Variants in ATP9B observed in about 807,000 individuals in gnomAD.
The protein encoded by ATP9B is probable phospholipid-transporting ATPase IIB.
Under a neutral mutation model 146.1 loss-of-function variants are expected in ATP9B, and 110 were observed. The ratio of observed to expected loss-of-function variants is 0.75; its 90% CI spans 0.65 to 0.88. The LOEUF (loss-of-function observed/expected upper bound fraction) is 0.88, where lower values mean the gene tolerates loss of function less well. ATP9B is among the 40% of genes least tolerant of loss of function. ATP9B has a pLI of 0.00. For synonymous variants in ATP9B, 604 were observed against 569.7 expected (o/e 1.06, Z -0.86); for missense variants, 1,499 against 1,496.4 (o/e 1.00, Z -0.03).
chr18:79,147,550 C>CAT (rs33987384), intron 6 of ATP9B, among the ~76,000 whole-genome samples: 84,992 of 151,658 alleles, frequency 0.56, 25,450 homozygotes, highest in African/African-American at 0.79. Context: ...AACTCTAAAA[C>CAT]GTGGAAAGTG....
At chr18:79,181,917 G>T (rs567762656) in intron 8 of ATP9B, among the ~76,000 whole-genome samples, 1 of 151,898 alleles carries the variant, frequency 6.6e-6, no homozygotes, top group Non-Finnish European at 1.5e-5. Flanking sequence ...TTTGGCCCTC[G>T]TTATAGGCCC....
intron 15 of ATP9B, among the ~76,000 whole-genome samples, chr18:79,317,194 A>T (rs913869022): frequency 3.3e-5 from 5 of 152,248 alleles, no homozygotes; most frequent in African/African-American, 1.2e-4. Flanking sequence ...TTTCTTGAGC[A>T]AGAAAAAGTT....
intron 12 of ATP9B, among the ~76,000 whole-genome samples, chr18:79,256,148 CT>C (rs201094692): frequency 1.1e-4 from 17 of 150,220 alleles, no homozygotes; most frequent in Middle Eastern, 6.8e-3. Context: ...GCTTTACTGT[CT>C]TTTTTTTAAA....
rs2096776685 is a variant in ATP9B at position 79,329,139 on chromosome 18, A to G, written c.1774-2A>G. On this transcript the variant is annotated splice_acceptor_variant, in intron 15 of 29. Transcript: ENST00000426216. LOFTEE classifies it high-confidence loss of function. ...GCCTCAGTTGTTGCTGGTCTCCCGT[A>G]GGTCGCTCTGGTGCAGTGGACAGAG... 6.3e-7 allele frequency: 1 copy of G among 1,579,748 alleles called. No homozygotes were observed. The highest frequency in any genetic ancestry group is 1.2e-5 in the South Asian group (1 of 85,346).
chr18:79,175,179 G>A (rs1439976532), intron 7 of ATP9B, among the ~76,000 whole-genome samples: 6 of 132,630 alleles, frequency 4.5e-5, no homozygotes, highest in Admixed American at 3.4e-4. Context: ...CCAGCCTGGC[G>A]ACAGAGCGAG....
intron 15 of ATP9B, among the ~76,000 whole-genome samples, chr18:79,319,403 G>A (rs1452147396): frequency 6.6e-6 from 1 of 151,258 alleles, no homozygotes; most frequent in Non-Finnish European, 1.5e-5. Context: ...TAGAGGAGGG[G>A]CCCCCTCCTC....
At chr18:79,190,301 T>TA (rs2095351685) in intron 8 of ATP9B, among the ~76,000 whole-genome samples, 1 of 152,074 alleles carries the variant, frequency 6.6e-6, no homozygotes, top group Non-Finnish European at 1.5e-5. Flanking sequence ...CTTTAAACAT[T>TA]TAAAAAAAAA....
At chr18:79,147,586 A>G (rs1207117049) in intron 6 of ATP9B, among the ~76,000 whole-genome samples, 1 of 152,214 alleles carries the variant, frequency 6.6e-6, no homozygotes, top group Non-Finnish European at 1.5e-5. Flanking sequence ...ATTAATTTAT[A>G]GGATAGGTAG....
intron 11 of ATP9B, among the ~76,000 whole-genome samples, chr18:79,228,991 A>G (rs1173301866): frequency 2.0e-5 from 3 of 152,142 alleles, no homozygotes; most frequent in Non-Finnish European, 2.9e-5. Context: ...AGATTGTGCC[A>G]CTACACTCCA....
intron 11 of ATP9B, among the ~76,000 whole-genome samples, chr18:79,247,262 G>C (rs1196743800): frequency 6.6e-6 from 1 of 152,220 alleles, no homozygotes. Flanking sequence ...TGTCCTGTAT[G>C]AACGTAGACA....
chr18:79,340,007 T>C (rs1451618062), intron 19 of ATP9B, among the ~76,000 whole-genome samples: 1 of 152,154 alleles, frequency 6.6e-6, no homozygotes, highest in Non-Finnish European at 1.5e-5. Flanking sequence ...TGTGGTGCTT[T>C]GTGCCTGGGA....
chr18:79,259,267 G>C (rs1330173804), intron 12 of ATP9B, among the ~76,000 whole-genome samples: 3 of 152,186 alleles, frequency 2.0e-5, no homozygotes, highest in Non-Finnish European at 4.4e-5. Context: ...GAAAACTGAT[G>C]ATCAGAATTC....
Position 79,291,750 on chromosome 18 carries a change from A to G in ATP9B, c.1412-11854A>G, listed in dbSNP as rs116759199. Reference sequence around the variant, plus strand: ...CTACTGATAACATGATTGATTAGCAACGGAAACATTTTAGAAGATACCACG... The same window carrying G: ...CTACTGATAACATGATTGATTAGCAGCGGAAACATTTTAGAAGATACCACG... On this transcript the variant is annotated intron_variant, in intron 13 of 29. Coordinates refer to ENST00000426216, the MANE Select transcript of ATP9B (RefSeq NM_198531.5). Among the ~76,000 whole-genome samples the G allele has an allele frequency of 6.6e-3, 998 of 152,362 alleles. 5 individuals are homozygous for G. Among genetic ancestry groups the G allele is most frequent in the African/African-American group, 0.022 (933 of 41,580 alleles).
At position 79,377,251 on chromosome 18, in the gene ATP9B, T is replaced by C; in HGVS notation, c.3312T>C (p.Val1104=). 1 of 1,611,982 alleles carries C rather than the reference T, an allele frequency of 6.2e-7. No individual in the cohort carries two copies. Among genetic ancestry groups the C allele is most frequent in the Non-Finnish European group, 8.5e-7 (1 of 1,180,016 alleles). ...TTCTCTGTTTCCTGCCAACAGATGT[T>C]GCCTTTATCACCACCGTGACCTTCC... ...GRVSFGAFLD[V]AFITTVTFLW... is the part of the protein sequence containing the mutation. Residue 1104 remains valine (V), a synonymous_variant, in exon 30 of 30, where the codon GTT becomes GTC. Coordinates refer to ENST00000426216, the MANE Select transcript of ATP9B (RefSeq NM_198531.5).
chr18:79,319,449 G>A (rs1011362627), intron 15 of ATP9B, among the ~76,000 whole-genome samples: 1 of 151,748 alleles, frequency 6.6e-6, no homozygotes, highest in Non-Finnish European at 1.5e-5. Context: ...AGGGAACACT[G>A]AACAGTTCCA....
chr18:79,237,281 C>G (rs1235503936), intron 11 of ATP9B, among the ~76,000 whole-genome samples: 3 of 149,600 alleles, frequency 2.0e-5, no homozygotes, highest in African/African-American at 7.4e-5. Context: ...TGCCCCTTCC[C>G]CACTGTGTAC....
chr18:79,231,803 T>TATATATATATATATATATATACACACAC (rs569726473), intron 11 of ATP9B, among the ~76,000 whole-genome samples: 2 of 114,758 alleles, frequency 1.7e-5, no homozygotes, highest in African/African-American at 6.8e-5. Flanking sequence ...TATATATATA[T>TATATATATATATATATATATACACACAC]ACACACACAC....
chr18:79,323,251 G>T (rs2096726048), intron 15 of ATP9B, among the ~76,000 whole-genome samples: 1 of 152,086 alleles, frequency 6.6e-6, no homozygotes, highest in Non-Finnish European at 1.5e-5. Context: ...GTTGCTTCGT[G>T]TTAGTAATCC....
At chr18:79,088,493 T>C (rs2074037162) in intron 1 of ATP9B, among the ~76,000 whole-genome samples, 1 of 152,222 alleles carries the variant, frequency 6.6e-6, no homozygotes, top group Non-Finnish European at 1.5e-5. Context: ...TTGCCTAAAT[T>C]ATAATGAAAC....
Sources: allele counts gnomAD v4.1 joint callset (sites outside exome capture counted in the v4.1 genomes callset), GRCh38; gene constraint gnomAD v4.1.1; transcripts MANE v1.5; gene names NCBI Gene and HGNC (gene_info 2026-07-23, HGNC 2026-07-21).